The following LDB2 variants were observed in gnomAD, a reference collection of about 807,000 sequenced individuals.
The protein encoded by LDB2 is LIM domain-binding protein 2.
Under a neutral mutation model 44.3 loss-of-function variants are expected in LDB2, and 12 were observed. That is an observed-to-expected ratio of 0.27 (90% CI 0.17 to 0.44). LDB2 has a LOEUF of 0.44. Ranked by LOEUF, LDB2 falls within the 20% of genes least tolerant of loss-of-function variation. The pLI, the probability that LDB2 is intolerant of heterozygous loss-of-function variation, is 1.00. For synonymous variants in LDB2, 164 were observed against 174.8 expected, an observed-to-expected ratio of 0.94 and a Z score of 0.49; for missense variants, 344 against 473.5, an observed-to-expected ratio of 0.73 and a Z score of 2.54.
chr4:16,822,660 A>G (rs1782318725), intron 1 of LDB2, among the ~76,000 whole-genome samples: 1 of 151,810 alleles, frequency 6.6e-6, no homozygotes, highest in Non-Finnish European at 1.5e-5. Context: ...AATTACAGGC[A>G]CGTGCCACCA....
intron 2 of LDB2, among the ~76,000 whole-genome samples, chr4:16,726,813 A>G (rs546913206): frequency 7.2e-5 from 11 of 152,338 alleles, no homozygotes; most frequent in African/African-American, 2.4e-4. Context: ...AAAAATATTC[A>G]GCAGATGACA....
At chr4:16,785,234 C>T (rs1774166881) in intron 1 of LDB2, among the ~76,000 whole-genome samples, 2 of 152,080 alleles carry the variant, frequency 1.3e-5, no homozygotes, top group Admixed American at 6.6e-5. Flanking sequence ...GCATGATAAA[C>T]ATGCCTCCAT....
intron 1 of LDB2, among the ~76,000 whole-genome samples, chr4:16,870,357 C>G (rs1430644073): frequency 1.3e-5 from 2 of 152,148 alleles, no homozygotes; most frequent in Non-Finnish European, 2.9e-5. Context: ...AGTCCAACTT[C>G]CGTATCTTAC....
chr4:16,710,636 A>G (rs1291614127), intron 2 of LDB2, among the ~76,000 whole-genome samples: 1 of 152,230 alleles, frequency 6.6e-6, no homozygotes, highest in Non-Finnish European at 1.5e-5. Context: ...TGTAGTCAAC[A>G]GGAAGGTTTT....
chr4:16,506,186 A>G, intron 7 of LDB2: 1 of 498,038 alleles, frequency 2.0e-6, no homozygotes, highest in Non-Finnish European at 3.5e-6. Flanking sequence ...GTTAAAAGAT[A>G]TGGTCACCAC....
rs538855343 is a variant in LDB2 at position 16,555,704 on chromosome 4, G to A, written c.615+30218C>T. ...CTTTCTCTGATCCTCTAAGGTGGAGGCTCTCCTCTCTGAGCACACATGACA... is the reference window on the plus strand; with the variant it reads ...CTTTCTCTGATCCTCTAAGGTGGAGACTCTCCTCTCTGAGCACACATGACA... On this transcript the variant is annotated intron_variant, in intron 5 of 7. Coordinates refer to ENST00000304523, the MANE Select transcript of LDB2 (RefSeq NM_001290.5). 5.3e-5 allele frequency among the ~76,000 whole-genome samples: 8 copies of A among 152,232 alleles called. No homozygotes were observed. In the South Asian group the frequency reaches 1.2e-3, roughly 24 times the overall value.
At chr4:16,858,888 C>T (rs1193014699) in intron 1 of LDB2, among the ~76,000 whole-genome samples, 1 of 152,142 alleles carries the variant, frequency 6.6e-6, no homozygotes, top group Admixed American at 6.5e-5. Flanking sequence ...AATTAATATC[C>T]ATTAAAATAT....
intron 1 of LDB2, among the ~76,000 whole-genome samples, chr4:16,871,701 C>A (rs1175128807): frequency 6.7e-6 from 1 of 150,158 alleles, no homozygotes; most frequent in Non-Finnish European, 1.5e-5. Context: ...CTCACTGCAA[C>A]CTCCGCCTCC....
intron 1 of LDB2, among the ~76,000 whole-genome samples, chr4:16,875,386 G>A (rs769970302): frequency 3.3e-5 from 5 of 152,214 alleles, no homozygotes; most frequent in Non-Finnish European, 5.9e-5. Flanking sequence ...AGCAGATCCT[G>A]TGGCCTACTC....
chr4:16,643,832 A>T (rs1560737054), intron 2 of LDB2, among the ~76,000 whole-genome samples: 1 of 152,136 alleles, frequency 6.6e-6, no homozygotes, highest in African/African-American at 2.4e-5. Flanking sequence ...TTAGCATATT[A>T]TAATACATCA....
intron 2 of LDB2, among the ~76,000 whole-genome samples, chr4:16,756,208 G>A (rs1766607874): frequency 6.6e-6 from 1 of 152,232 alleles, no homozygotes; most frequent in African/African-American, 2.4e-5. Flanking sequence ...ACTTTGGGAG[G>A]CCGAGGCTGG....
At chr4:16,510,731 G>T (rs564177554) in intron 6 of LDB2, among the ~76,000 whole-genome samples, 1 of 152,250 alleles carries the variant, frequency 6.6e-6, no homozygotes, top group East Asian at 1.9e-4. Context: ...ATAAAATGGA[G>T]ATAATACATT....
chr4:16,598,830 G>A (rs1721763270), intron 2 of LDB2, among the ~76,000 whole-genome samples: 1 of 151,346 alleles, frequency 6.6e-6, no homozygotes, highest in South Asian at 2.1e-4. Context: ...CCATCCCTCA[G>A]AGGTCAGTCT....
chr4:16,629,157 A>T (rs1731166946), intron 2 of LDB2, among the ~76,000 whole-genome samples: 1 of 152,234 alleles, frequency 6.6e-6, no homozygotes, highest in African/African-American at 2.4e-5. Flanking sequence ...CAGATCAGCA[A>T]GGCCTACTGC....
At chr4:16,580,674 A>G (rs1258836693) in intron 5 of LDB2, among the ~76,000 whole-genome samples, 1 of 152,232 alleles carries the variant, frequency 6.6e-6, no homozygotes, top group Non-Finnish European at 1.5e-5. Context: ...ACAACTGTAT[A>G]AAGCAATGCC....
chr4:16,660,300 T>C (rs1741202060), intron 2 of LDB2, among the ~76,000 whole-genome samples: 1 of 152,190 alleles, frequency 6.6e-6, no homozygotes, highest in Non-Finnish European at 1.5e-5. Flanking sequence ...ACAAAACTCA[T>C]ATTTTGTACT....
chr4:16,684,232 G>A (rs16893780), intron 2 of LDB2, among the ~76,000 whole-genome samples: 3,417 of 152,224 alleles, frequency 0.022, 117 homozygotes, highest in African/African-American at 0.071. Flanking sequence ...TTTTAGTGAC[G>A]TGATAAAAGT....
intron 5 of LDB2, among the ~76,000 whole-genome samples, chr4:16,548,008 G>C (rs1736361302): frequency 1.3e-5 from 2 of 151,640 alleles, no homozygotes; most frequent in African/African-American, 4.9e-5. Context: ...ACTCAGGCTG[G>C]AGTGCAGTGG....
At chr4:16,601,938 T>G (rs1722669374) in intron 2 of LDB2, among the ~76,000 whole-genome samples, 1 of 152,154 alleles carries the variant, frequency 6.6e-6, no homozygotes, top group Admixed American at 6.5e-5. Flanking sequence ...ATGCTTGACC[T>G]GTGATGGGGG....
Sources: allele counts gnomAD v4.1 joint callset (sites outside exome capture counted in the v4.1 genomes callset), GRCh38; gene constraint gnomAD v4.1.1; transcripts MANE v1.5; gene names NCBI Gene and HGNC (gene_info 2026-07-23, HGNC 2026-07-21).